The following VWC2 variants were observed in gnomAD, a reference collection of about 807,000 sequenced individuals.
The protein encoded by VWC2 is von Willebrand factor C domain containing 2.
Under a neutral mutation model 29.8 loss-of-function variants are expected in VWC2, and 14 were observed. The observed-to-expected ratio is 0.47, with a 90% CI of 0.31 to 0.74. VWC2 has a LOEUF of 0.74. VWC2 is among the 30% of genes least tolerant of loss of function. The probability of loss-of-function intolerance (pLI) is 0.05; values close to 1 mark genes in which losing one functional copy is unlikely to be tolerated. For synonymous variants in VWC2, 213 were observed against 199.0 expected, an observed-to-expected ratio of 1.07 and a Z score of -0.59; for missense variants, 457 against 459.8, an observed-to-expected ratio of 0.99 and a Z score of 0.05.
intron 2 of VWC2, among the ~76,000 whole-genome samples, chr7:49,782,773 G>A (rs948093260): frequency 6.6e-6 from 1 of 151,834 alleles, no homozygotes; most frequent in African/African-American, 2.4e-5. Flanking sequence ...AGAATGGCTT[G>A]AGCCCAAGAA....
At chr7:49,791,909 A>G (rs558270247) in intron 2 of VWC2, among the ~76,000 whole-genome samples, 71 of 152,240 alleles carry the variant, frequency 4.7e-4, no homozygotes, top group Non-Finnish European at 5.6e-4. Context: ...CATGATTCTT[A>G]AAAGCACAGC....
chr7:49,893,631 A>T (rs1005521773), intron 3 of VWC2, among the ~76,000 whole-genome samples: 11 of 108,184 alleles, frequency 1.0e-4, no homozygotes, highest in African/African-American at 3.8e-4. Flanking sequence ...ATCTTAGGAA[A>T]CCAGTTTTTT....
chr7:49,890,127 A>G (rs1027273380), intron 3 of VWC2, among the ~76,000 whole-genome samples: 22 of 152,224 alleles, frequency 1.4e-4, no homozygotes, highest in African/African-American at 5.3e-4. Context: ...CTTTAGGAAC[A>G]GAGGGAATAT....
chr7:49,781,022 A>T (rs909711194), intron 2 of VWC2, among the ~76,000 whole-genome samples: 3 of 152,254 alleles, frequency 2.0e-5, no homozygotes, highest in African/African-American at 4.8e-5. Context: ...CACACTTTTC[A>T]GTCTAATGGT....
In VWC2 at chr7:49,789,014, G is replaced by A. The variant is rs542478862; in HGVS notation, c.696+12883G>A. On this transcript the variant is annotated intron_variant, in intron 2 of 3. Transcript: ENST00000340652. ...GAGGTGTGGGTGCATGCTTGAAAGT[G>A]TGTCAGTGTGAGCGTGTGGGTGCAT... is the stretch of plus-strand genomic sequence containing the variant. Among the ~76,000 whole-genome samples the A allele has an allele frequency of 5.3e-5, 8 of 150,016 alleles. No individual in the cohort carries two copies. The South Asian group carries it at 1.7e-3, about 32-fold the overall frequency.
chr7:49,892,171 A>C (rs959226486), intron 3 of VWC2, among the ~76,000 whole-genome samples: 3 of 148,852 alleles, frequency 2.0e-5, no homozygotes, highest in Non-Finnish European at 3.0e-5. Context: ...CAGCCTCCCG[A>C]GTAGCTGGGA....
intron 3 of VWC2, among the ~76,000 whole-genome samples, chr7:49,903,838 C>T (rs890367875): frequency 6.6e-6 from 1 of 152,166 alleles, no homozygotes; most frequent in African/African-American, 2.4e-5. Flanking sequence ...AAGAACAGCT[C>T]TCTCTCTAGT....
chr7:49,783,398 A>G (rs1364507939), intron 2 of VWC2, among the ~76,000 whole-genome samples: 2 of 152,268 alleles, frequency 1.3e-5, no homozygotes, highest in African/African-American at 2.4e-5. Context: ...TTTTTAAATG[A>G]CAGAGGAATC....
At chr7:49,857,035 A>AAAAAAAAAAAT (rs1790453465) in intron 3 of VWC2, among the ~76,000 whole-genome samples, 1 of 138,828 alleles carries the variant, frequency 7.2e-6, no homozygotes, top group Non-Finnish European at 1.6e-5. Context: ...AAAAAAAAAA[A>AAAAAAAAAAAT]AAAAAAGACG....
chr7:49,858,387 G>T lies in VWC2; in HGVS notation c.827-53647G>T, dbSNP rs112578602. On this transcript the variant is annotated intron_variant, in intron 3 of 3. Transcript: ENST00000340652. ...ATACTATGCAGCCATAAAAAAGGATGAGTTCATGTCCTTTGTAGGGACATG... is the reference window on the plus strand; with the variant it reads ...ATACTATGCAGCCATAAAAAAGGATTAGTTCATGTCCTTTGTAGGGACATG... Among the ~76,000 whole-genome samples, 267 of 152,214 alleles carry T rather than the reference G, an allele frequency of 1.8e-3. 3 individuals are homozygous for T. The highest frequency in any genetic ancestry group is 6.0e-3 in the African/African-American group (250 of 41,508).
intron 3 of VWC2, among the ~76,000 whole-genome samples, chr7:49,900,756 T>C (rs1405786178): frequency 6.6e-6 from 1 of 151,892 alleles, no homozygotes; most frequent in East Asian, 1.9e-4. Flanking sequence ...ATCAATATTT[T>C]ACAATTTCTT....
At chr7:49,874,045 A>G (rs539158564) in intron 3 of VWC2, among the ~76,000 whole-genome samples, 3 of 152,108 alleles carry the variant, frequency 2.0e-5, no homozygotes, top group East Asian at 3.9e-4. Context: ...ACTATAGCAT[A>G]CATGGCATAT....
intron 3 of VWC2, among the ~76,000 whole-genome samples, chr7:49,834,313 C>T (rs1021082300): frequency 1.3e-5 from 2 of 152,150 alleles, no homozygotes; most frequent in Admixed American, 1.3e-4. Context: ...TAATTCATTT[C>T]CAGGGGACTC....
chr7:49,799,080 A>C (rs188105837), intron 2 of VWC2, among the ~76,000 whole-genome samples: 3 of 152,296 alleles, frequency 2.0e-5, no homozygotes, highest in Admixed American at 1.3e-4. Context: ...ATGGCTGAAA[A>C]GGGCAGGGCA....
chr7:49,833,353 T>G (rs1185389591), intron 3 of VWC2, among the ~76,000 whole-genome samples: 1 of 152,174 alleles, frequency 6.6e-6, no homozygotes, highest in African/African-American at 2.4e-5. Context: ...AAGATGAATG[T>G]GGAAGTGATA....
intron 3 of VWC2, among the ~76,000 whole-genome samples, chr7:49,809,738 C>T (rs960237144): frequency 6.6e-6 from 1 of 151,964 alleles, no homozygotes; most frequent in African/African-American, 2.4e-5. Context: ...AATCAATTAA[C>T]ATAATACATT....
chr7:49,817,619 AT>A (rs1789176509), intron 3 of VWC2, among the ~76,000 whole-genome samples: 1 of 152,186 alleles, frequency 6.6e-6, no homozygotes, highest in African/African-American at 2.4e-5. Flanking sequence ...CAAACCTTTT[AT>A]TTGTCTTTCA....
intron 3 of VWC2, among the ~76,000 whole-genome samples, chr7:49,841,650 C>T (rs1489038985): frequency 2.0e-5 from 3 of 152,220 alleles, no homozygotes; most frequent in African/African-American, 7.2e-5. Context: ...GGGACACACT[C>T]AGGGAGGCCC....
chr7:49,837,061 T>C (rs1789681791), intron 3 of VWC2, among the ~76,000 whole-genome samples: 1 of 152,252 alleles, frequency 6.6e-6, no homozygotes, highest in South Asian at 2.1e-4. Flanking sequence ...AAAAATTGAC[T>C]TTACAGATGA....
Sources: allele counts gnomAD v4.1 joint callset (sites outside exome capture counted in the v4.1 genomes callset), GRCh38; gene constraint gnomAD v4.1.1; transcripts MANE v1.5; gene names NCBI Gene and HGNC (gene_info 2026-07-23, HGNC 2026-07-21).